FGF14: variants seen among roughly 807,000 people sequenced by gnomAD.
FGF14 encodes fibroblast growth factor 14.
In FGF14, 5 loss-of-function variants were observed where a neutral mutation model predicts 25.5. The ratio of observed to expected loss-of-function variants is 0.20; its 90% CI spans 0.10 to 0.41. The LOEUF is 0.41. Ranked by LOEUF, FGF14 falls within the 10% of genes least tolerant of loss-of-function variation. The probability of loss-of-function intolerance (pLI) is 1.00; values close to 1 mark genes in which losing one functional copy is unlikely to be tolerated. For synonymous variants in FGF14, 138 were observed against 118.3 expected, an observed-to-expected ratio of 1.17 and a Z score of -1.08; for missense variants, 222 against 320.1, an observed-to-expected ratio of 0.69 and a Z score of 2.34.
intron 1 of FGF14, among the ~76,000 whole-genome samples, chr13:102,023,749 T>C (rs981025772): frequency 3.3e-5 from 5 of 152,064 alleles, no homozygotes; most frequent in African/African-American, 1.2e-4. Context: ...AAGGTTCGTT[T>C]ATGTCATAAC....
intron 1 of FGF14, among the ~76,000 whole-genome samples, chr13:102,025,143 C>A (rs1161710525): frequency 6.6e-6 from 1 of 151,588 alleles, no homozygotes; most frequent in African/African-American, 2.4e-5. Flanking sequence ...TAACTTCATT[C>A]TTTTTCAAGA....
At chr13:102,147,955 CT>C (rs748504540) in intron 1 of FGF14, among the ~76,000 whole-genome samples, 5 of 152,198 alleles carry the variant, frequency 3.3e-5, no homozygotes, top group African/African-American at 4.8e-5. Context: ...AATAATTACT[CT>C]TCAAAATTTG....
chr13:102,329,210 C>A (rs879540336), intron 1 of FGF14, among the ~76,000 whole-genome samples: 1 of 152,162 alleles, frequency 6.6e-6, no homozygotes, highest in Non-Finnish European at 1.5e-5. Flanking sequence ...ATTAGTACAA[C>A]CCACTATTTG....
At chr13:102,237,431 C>T (rs138292838) in intron 1 of FGF14, among the ~76,000 whole-genome samples, 86 of 152,270 alleles carry the variant, frequency 5.6e-4, no homozygotes, top group African/African-American at 1.9e-3. Context: ...AGAGGCTGTC[C>T]CTCATCCCTG....
intron 1 of FGF14, among the ~76,000 whole-genome samples, chr13:101,985,401 T>TA (rs528533190): frequency 2.6e-4 from 40 of 152,112 alleles, no homozygotes; most frequent in Admixed American, 1.7e-3. Context: ...CTACTAAAAA[T>TA]AAAAAAACAT....
At chr13:102,252,635 A>T (rs1175951573) in intron 1 of FGF14, among the ~76,000 whole-genome samples, 1 of 151,642 alleles carries the variant, frequency 6.6e-6, no homozygotes, top group Non-Finnish European at 1.5e-5. Context: ...ATTGTTTCTT[A>T]TATGTATTTT....
intron 3 of FGF14, among the ~76,000 whole-genome samples, chr13:101,807,321 C>T (rs1370868873): frequency 1.3e-5 from 2 of 152,046 alleles, no homozygotes; most frequent in East Asian, 1.9e-4. Context: ...CATCAATGCT[C>T]CTCAAGCTGC....
In FGF14 at chr13:101,878,394, T is replaced by TTCC. The variant is rs1240205451; in HGVS notation, c.194-3101_194-3099dup. Reference sequence around the variant, plus strand: ...TGAAACTTCAGATGACATCAAATTCTTCCTTTGGACAATTTTATGGTAATT... The same window carrying TTCC: ...TGAAACTTCAGATGACATCAAATTCTTCCTCCTTTGGACAATTTTATGGTAATT... On this transcript the variant is annotated intron_variant, in intron 1 of 4. Coordinates refer to ENST00000376143, the MANE Select transcript of FGF14 (RefSeq NM_004115.4). 9.8e-5 allele frequency among the ~76,000 whole-genome samples: 15 copies of TTCC among 152,292 alleles called. No individual in the cohort carries two copies. The East Asian group carries it at 2.7e-3, about 27-fold the overall frequency.
intron 3 of FGF14, among the ~76,000 whole-genome samples, chr13:101,844,365 A>G (rs1306809654): frequency 6.6e-6 from 1 of 152,068 alleles, no homozygotes; most frequent in Non-Finnish European, 1.5e-5. Flanking sequence ...ACTGACTTCA[A>G]GACTGTGCAT....
intron 1 of FGF14, among the ~76,000 whole-genome samples, chr13:102,275,262 T>TTTCTCTCTCTCTC (rs2053473719): frequency 2.9e-5 from 2 of 68,916 alleles, no homozygotes; most frequent in African/African-American, 1.0e-4. Flanking sequence ...CTCTCTCTCT[T>TTTCTCTCTCTCTC]TCTCTCTCTC....
upstream of FGF14, among the ~76,000 whole-genome samples, chr13:101,921,874 TTAAAATTACAACTCA>T (rs1187932959): frequency 2.6e-5 from 4 of 152,184 alleles, no homozygotes; most frequent in African/African-American, 9.7e-5. Context: ...ATAAATCTAT[TTAAAATTACAACTCA>T]TAAACACAGA....
intron 3 of FGF14, among the ~76,000 whole-genome samples, chr13:101,814,717 T>G (rs1243126213): frequency 6.6e-6 from 1 of 152,158 alleles, no homozygotes; most frequent in African/African-American, 2.4e-5. Context: ...GCATAATGTT[T>G]TTGAGGTAAA....
chr13:102,326,757 G>GGAAGGAA (rs2056464937), intron 1 of FGF14, among the ~76,000 whole-genome samples: 1 of 85,696 alleles, frequency 1.2e-5, no homozygotes, highest in Admixed American at 1.1e-4. Context: ...GAAGGAAAGA[G>GGAAGGAA]GGAGGGAAGG....
chr13:102,248,603 G>A (rs1486945901), intron 1 of FGF14, among the ~76,000 whole-genome samples: 1 of 152,132 alleles, frequency 6.6e-6, no homozygotes, highest in Non-Finnish European at 1.5e-5. Flanking sequence ...GAGGGAGATG[G>A]GGGCCAGATT....
chr13:102,113,125 G>GTACTT (rs1161320353), intron 1 of FGF14, among the ~76,000 whole-genome samples: 1 of 152,176 alleles, frequency 6.6e-6, no homozygotes, highest in Non-Finnish European at 1.5e-5. Context: ...ATTTCACCAT[G>GTACTT]TACTTACTTT....
At chr13:102,039,524 G>A (rs956905154) in intron 1 of FGF14, among the ~76,000 whole-genome samples, 2 of 152,140 alleles carry the variant, frequency 1.3e-5, no homozygotes, top group Non-Finnish European at 2.9e-5. Flanking sequence ...GAGGCTGACA[G>A]CAATCCTGGT....
intron 3 of FGF14, among the ~76,000 whole-genome samples, chr13:101,727,814 A>G (rs1044621204): frequency 6.6e-6 from 1 of 152,100 alleles, no homozygotes; most frequent in Non-Finnish European, 1.5e-5. Context: ...AATAGGTCCA[A>G]CACTGTGCTA....
At chr13:102,391,620 C>A (rs1304565770) in intron 1 of FGF14, among the ~76,000 whole-genome samples, 1 of 152,056 alleles carries the variant, frequency 6.6e-6, no homozygotes, top group Non-Finnish European at 1.5e-5. Flanking sequence ...TTTTATGTTA[C>A]TTGTCATGTG....
At chr13:102,280,653 G>A (rs1178581152) in intron 1 of FGF14, among the ~76,000 whole-genome samples, 1 of 152,214 alleles carries the variant, frequency 6.6e-6, no homozygotes, top group Non-Finnish European at 1.5e-5. Context: ...CTTCAGTGAA[G>A]CCATTATACA....
Sources: gnomAD v4.1 joint callset for allele counts (sites outside exome capture counted in the v4.1 genomes callset) on GRCh38, gnomAD v4.1.1 for gene constraint, MANE v1.5 for transcripts, NCBI Gene and HGNC (gene_info 2026-07-23, HGNC 2026-07-21) for gene names.